The following CFAP58 variants were observed in gnomAD, a reference collection of about 807,000 sequenced individuals.
CFAP58 encodes cilia- and flagella-associated protein 58.
CFAP58 carries 88 observed loss-of-function variants against 119.5 expected under a neutral mutation model. That is an observed-to-expected ratio of 0.74 (90% CI 0.62 to 0.88). The LOEUF is 0.88. Ranked by LOEUF, CFAP58 falls within the 40% of genes least tolerant of loss-of-function variation. The pLI is 0.00. For synonymous variants in CFAP58, 365 were observed against 366.3 expected (o/e 1.00, Z 0.04); for missense variants, 990 against 1,021.2 (o/e 0.97, Z 0.42).
intron 15 of CFAP58, among the ~76,000 whole-genome samples, chr10:104,414,353 C>T (rs978257329): frequency 3.9e-5 from 6 of 152,078 alleles, no homozygotes; most frequent in South Asian, 2.1e-4. Context: ...GAGAAGGAGA[C>T]GTAAAGAAAC....
intron 7 of CFAP58, among the ~76,000 whole-genome samples, chr10:104,376,299 A>G (rs2011660941): frequency 6.9e-6 from 1 of 145,376 alleles, no homozygotes; most frequent in South Asian, 2.1e-4. Flanking sequence ...GGGCAAGAGG[A>G]AAAAAAAAAA....
In CFAP58 at chr10:104,450,071, GTTTTGTCTTCAGA is replaced by G. The variant is rs1222387282; in HGVS notation, c.2378_2390del (p.Val793AspfsTer2). On this transcript the variant is annotated frameshift_variant and splice_region_variant, in exon 17 of 18. Transcript: ENST00000369704. LOFTEE classifies it high-confidence loss of function. ...AATGCTGCTTTATTTGCCATGTTAG[GTTTTGTCTTCAGA>G]ATTGAATATGTATGAAGTACAGAGC... 1.3e-6 allele frequency: 2 copies of G among 1,590,542 alleles called. No homozygotes were observed. Among genetic ancestry groups the G allele is most frequent in the African/African-American group, 2.7e-5 (2 of 73,360 alleles).
At chr10:104,378,413 C>A (rs924978129) in intron 8 of CFAP58, among the ~76,000 whole-genome samples, 2 of 152,152 alleles carry the variant, frequency 1.3e-5, no homozygotes, top group African/African-American at 4.8e-5. Flanking sequence ...TTTAATAGGC[C>A]TTTTACCTGA....
chr10:104,362,288 T>A, intron 3 of CFAP58, 117 bp downstream of exon 3: 1 of 824,632 alleles, frequency 1.2e-6, no homozygotes. Context: ...AAGACTCTTC[T>A]TTATTGGGTT....
the CFAP58 span, among the ~76,000 whole-genome samples, chr10:104,344,723 G>T: frequency 6.6e-6 from 1 of 152,056 alleles, no homozygotes; most frequent in African/African-American, 2.4e-5. Context: ...ATTTAAAAAG[G>T]TTTGAGGCTT....
intron 15 of CFAP58, among the ~76,000 whole-genome samples, chr10:104,413,220 C>T (rs547233204): frequency 2.6e-5 from 4 of 152,246 alleles, no homozygotes; most frequent in Admixed American, 6.5e-5. Flanking sequence ...GTGGCCTTTG[C>T]GTTTTTTTAT....
intron 3 of CFAP58, among the ~76,000 whole-genome samples, chr10:104,363,210 G>A (rs889565374): frequency 6.6e-6 from 1 of 152,116 alleles, no homozygotes; most frequent in African/African-American, 2.4e-5. Flanking sequence ...ATTTGTTGAT[G>A]TGCTTCTCTA....
At chr10:104,435,365 T>G (rs1047279240) in intron 15 of CFAP58, among the ~76,000 whole-genome samples, 2 of 152,132 alleles carry the variant, frequency 1.3e-5, no homozygotes, top group African/African-American at 4.8e-5. Flanking sequence ...GTGCCTGTAT[T>G]CAGCTACTTG....
chr10:104,349,618 A>G (rs2014436685), upstream of CFAP58, among the ~76,000 whole-genome samples: 1 of 152,220 alleles, frequency 6.6e-6, no homozygotes, highest in Admixed American at 6.5e-5. Context: ...CCCTAACACC[A>G]GTGGAGACAG....
chr10:104,368,369 C>T (rs1176593692), intron 5 of CFAP58, 54 bp from the exon 6 acceptor site: 2 of 1,585,206 alleles, frequency 1.3e-6, no homozygotes, highest in Non-Finnish European at 1.7e-6. Context: ...TGTGTATATC[C>T]AACTATTGTA....
chr10:104,420,620 A>C (rs1445476940), intron 15 of CFAP58, among the ~76,000 whole-genome samples: 1 of 152,156 alleles, frequency 6.6e-6, no homozygotes, highest in Non-Finnish European at 1.5e-5. Flanking sequence ...AAATGTGCTC[A>C]TGTACTCCTA....
intron 17 of CFAP58, among the ~76,000 whole-genome samples, chr10:104,453,572 T>A (rs2013227474): frequency 1.3e-5 from 2 of 152,216 alleles, no homozygotes; most frequent in Non-Finnish European, 2.9e-5. Flanking sequence ...AGTACCAGAT[T>A]CTTTTCCAAA....
chr10:104,362,234 A>C lies in CFAP58; in HGVS notation c.440+63A>C, dbSNP rs995735628. 5.5e-5 allele frequency: 78 copies of C among 1,423,354 alleles called. No individual in the cohort carries two copies. In the Admixed American group the frequency reaches 1.8e-3, roughly 33 times the overall value. The allele number at this position is 1,423,354 out of a possible 1,614,324, so 88.2% of individuals were successfully genotyped here. Reference sequence around the variant, plus strand: ...TTTGCAGAGGTCTCCTTCAGTAGACAGCCTGGGGCTTGCCAGTGTCTTCTT... The same window carrying C: ...TTTGCAGAGGTCTCCTTCAGTAGACCGCCTGGGGCTTGCCAGTGTCTTCTT... On this transcript the variant is annotated intron_variant, in intron 3 of 17. Coordinates refer to ENST00000369704, the MANE Select transcript of CFAP58 (RefSeq NM_001008723.2).
At chr10:104,418,065 A>T (rs534860086) in intron 15 of CFAP58, among the ~76,000 whole-genome samples, 3 of 152,352 alleles carry the variant, frequency 2.0e-5, no homozygotes, top group East Asian at 3.9e-4. Context: ...ATGAAGTTTG[A>T]ATTTCAGTGT....
chr10:104,429,305 G>C (rs1282734509), intron 15 of CFAP58, among the ~76,000 whole-genome samples: 2 of 152,176 alleles, frequency 1.3e-5, no homozygotes, highest in Non-Finnish European at 2.9e-5. Context: ...GTGTTGAGTA[G>C]GGTCCTGGTG....
chr10:104,384,368 C>G (rs1332543743), intron 9 of CFAP58, among the ~76,000 whole-genome samples: 1 of 152,150 alleles, frequency 6.6e-6, no homozygotes, highest in East Asian at 1.9e-4. Context: ...CCCTAGGGTA[C>G]TAAGAATTGG....
At chr10:104,389,097 C>G (rs1011260969) in intron 9 of CFAP58, among the ~76,000 whole-genome samples, 2 of 152,204 alleles carry the variant, frequency 1.3e-5, no homozygotes, top group African/African-American at 2.4e-5. Flanking sequence ...TTGGCTACTA[C>G]TTAACACCCA....
chr10:104,343,925 C>T, the CFAP58 span, among the ~76,000 whole-genome samples: 4 of 152,072 alleles, frequency 2.6e-5, no homozygotes, highest in African/African-American at 7.2e-5. Flanking sequence ...CTATTTTTTG[C>T]AGAGATAGGG....
At chr10:104,384,937 C>G (rs935122458) in intron 9 of CFAP58, among the ~76,000 whole-genome samples, 2 of 152,104 alleles carry the variant, frequency 1.3e-5, no homozygotes, top group Admixed American at 6.6e-5. Context: ...AGGCAGTAGG[C>G]TGGGTGCTGC....
Sources: gnomAD v4.1 joint callset for allele counts (sites outside exome capture counted in the v4.1 genomes callset) on GRCh38, gnomAD v4.1.1 for gene constraint, MANE v1.5 for transcripts, NCBI Gene and HGNC (gene_info 2026-07-23, HGNC 2026-07-21) for gene names.